The following USP26 variants were observed in gnomAD, a reference collection of about 807,000 sequenced individuals.
The protein encoded by USP26 is ubiquitin carboxyl-terminal hydrolase 26.
For missense variants in USP26, 649 were observed against 642.3 expected (o/e 1.01, Z -0.11); for synonymous variants, 236 against 240.6 (o/e 0.98, Z 0.18).
At chrX:133,049,447 A>G (rs1343146925) in intron 5 of USP26, among the ~76,000 whole-genome samples, 1 of 112,306 alleles carries the variant, frequency 8.9e-6, no homozygotes, top group African/African-American at 3.2e-5. Flanking sequence ...ATTTTCCTAA[A>G]AAACACAATT....
chrX:133,077,511 T>G (rs2067553679), intron 5 of USP26, among the ~76,000 whole-genome samples: 1 of 111,896 alleles, frequency 8.9e-6, no homozygotes, highest in Admixed American at 9.5e-5. Context: ...TCACCAGGAT[T>G]TCATTTTCAG....
chrX:133,072,757 T>C (rs1015114049), intron 5 of USP26, among the ~76,000 whole-genome samples: 1 of 111,990 alleles, frequency 8.9e-6, no homozygotes, highest in Non-Finnish European at 1.9e-5. Context: ...TTTCACCAAA[T>C]TGTATACTCA....
At chrX:133,087,014 T>C (rs1374454102) in intron 4 of USP26, among the ~76,000 whole-genome samples, 1 of 110,844 alleles carries the variant, frequency 9.0e-6, no homozygotes, top group Non-Finnish European at 1.9e-5. Flanking sequence ...TGGGTAATTA[T>C]TGTATCTTGT....
At chrX:133,049,322 G>A (rs1199774203) in intron 5 of USP26, among the ~76,000 whole-genome samples, 4 of 111,797 alleles carry the variant, frequency 3.6e-5, no homozygotes, top group Non-Finnish European at 7.5e-5. Context: ...TTGTTCAAGG[G>A]CACAAAGCTA....
chrX:133,060,449 C>T, intron 5 of USP26, among the ~76,000 whole-genome samples: 1 of 111,453 alleles, frequency 9.0e-6, no homozygotes, highest in Non-Finnish European at 1.9e-5. Flanking sequence ...AAGAAAAATC[C>T]TTCTTCTTAC....
intron 5 of USP26, among the ~76,000 whole-genome samples, chrX:133,068,207 C>T (rs991276983): frequency 9.0e-6 from 1 of 111,282 alleles, no homozygotes; most frequent in East Asian, 2.8e-4. Context: ...ATATTGAATA[C>T]CAGTGGACAC....
chrX:133,036,454 T>A (rs2067396110), intron 5 of USP26, among the ~76,000 whole-genome samples: 1 of 111,119 alleles, frequency 9.0e-6, no homozygotes, highest in African/African-American at 3.3e-5. Flanking sequence ...CTGTGTTAGT[T>A]TGCTGAGGAT....
intron 5 of USP26, among the ~76,000 whole-genome samples, chrX:133,074,714 T>C (rs893155865): frequency 8.9e-6 from 1 of 112,436 alleles, no homozygotes; most frequent in Middle Eastern, 4.2e-3. Context: ...CAGCAAAGCT[T>C]AATGCAAAAT....
chrX:133,081,752 G>A (rs1203276414), intron 5 of USP26, among the ~76,000 whole-genome samples: 1 of 111,956 alleles, frequency 8.9e-6, no homozygotes, highest in Admixed American at 9.5e-5. Context: ...TTGCCTTCAA[G>A]GGTACTAAAA....
chrX:133,063,148 C>A (rs145906336), intron 5 of USP26, among the ~76,000 whole-genome samples: 193 of 110,430 alleles, frequency 1.7e-3, no homozygotes, highest in African/African-American at 6.3e-3. Context: ...GATCGACTTA[C>A]TGAAATAAGG....
intron 5 of USP26, among the ~76,000 whole-genome samples, chrX:133,058,559 G>C (rs1230764365): frequency 3.6e-5 from 4 of 111,562 alleles, no homozygotes; most frequent in African/African-American, 9.8e-5. Context: ...AAAATTCCAT[G>C]TTCTGAAGTT....
intron 5 of USP26, among the ~76,000 whole-genome samples, chrX:133,041,113 G>A (rs1414002549): frequency 9.0e-6 from 1 of 110,651 alleles, no homozygotes; most frequent in African/African-American, 3.3e-5. Context: ...AAGGTTCTTC[G>A]CTTCCTTGCA....
intron 5 of USP26, among the ~76,000 whole-genome samples, chrX:133,059,126 C>T (rs2067486590): frequency 9.0e-6 from 1 of 111,425 alleles, no homozygotes; most frequent in Non-Finnish European, 1.9e-5. Flanking sequence ...TTTCTCTTCC[C>T]CTCCATTTCT....
chrX:133,094,632 CA>C (rs2067621472), intron 1 of USP26, among the ~76,000 whole-genome samples: 1 of 111,124 alleles, frequency 9.0e-6, no homozygotes, highest in African/African-American at 3.3e-5. Flanking sequence ...GAAACGTATG[CA>C]AAAAACTCGA....
rs1408379377 is a variant in USP26, at chrX:133,085,893, G to T, written c.-141-2122C>A. 5.4e-5 allele frequency among the ~76,000 whole-genome samples: 6 copies of T among 111,161 alleles called. No individual in the cohort carries two copies. In the Admixed American group the frequency reaches 5.7e-4, roughly 11 times the overall value. ...TACTGTCTGGGTGGAGTCTGCATGA[G>T]TTTTCTCCAGGTACTCACTTCCTCC... is the stretch of plus-strand genomic sequence containing the variant. On this transcript the variant is annotated intron_variant, in intron 4 of 5. Transcript: ENST00000511190.
intron 1 of USP26, among the ~76,000 whole-genome samples, chrX:133,095,506 T>C (rs751137049): frequency 8.9e-6 from 1 of 112,645 alleles, no homozygotes; most frequent in African/African-American, 3.2e-5. Context: ...TAGGCTGTTC[T>C]GTTATAAAAT....
intron 5 of USP26, among the ~76,000 whole-genome samples, chrX:133,076,586 T>G (rs953212113): frequency 9.8e-5 from 11 of 112,036 alleles, no homozygotes; most frequent in African/African-American, 3.2e-4. Flanking sequence ...GGATGTTGCT[T>G]CCAAGATTGA....
At chrX:133,031,802 A>G (rs1349110918) in intron 5 of USP26, among the ~76,000 whole-genome samples, 1 of 111,936 alleles carries the variant, frequency 8.9e-6, no homozygotes, top group Non-Finnish European at 1.9e-5. Context: ...AATACAGTAC[A>G]TACACACAAA....
intron 5 of USP26, among the ~76,000 whole-genome samples, chrX:133,058,843 C>T (rs1329716495): frequency 9.0e-6 from 1 of 111,344 alleles, no homozygotes; most frequent in African/African-American, 3.3e-5. Flanking sequence ...GAGTCTCACT[C>T]TGTTGCCCAG....
Sources: allele counts gnomAD v4.1 joint callset (sites outside exome capture counted in the v4.1 genomes callset), GRCh38; gene constraint gnomAD v4.1.1; transcripts MANE v1.5; gene names NCBI Gene and HGNC (gene_info 2026-07-23, HGNC 2026-07-21).